The following TIMP3 variants were observed in gnomAD, a reference collection of about 807,000 sequenced individuals.
The protein encoded by TIMP3 is TIMP metallopeptidase inhibitor 3, also known as metalloproteinase inhibitor 3.
TIMP3 carries 11 observed loss-of-function variants against 30.0 expected under a neutral mutation model. That is an observed-to-expected ratio of 0.37 (90% confidence interval 0.23 to 0.61). The LOEUF is 0.61. TIMP3 is among the 20% of genes least tolerant of loss of function. The probability of loss-of-function intolerance (pLI) is 0.70; values close to 1 mark genes in which losing one functional copy is unlikely to be tolerated. For synonymous variants in TIMP3, 112 were observed against 111.3 expected, an observed-to-expected ratio of 1.01 and a Z score of -0.04; for missense variants, 181 against 276.8, an observed-to-expected ratio of 0.65 and a Z score of 2.45.
intron 1 of TIMP3, among the ~76,000 whole-genome samples, chr22:32,803,216 G>A (rs1488189825): frequency 2.6e-5 from 4 of 152,042 alleles, no homozygotes; most frequent in Non-Finnish European, 5.9e-5. Context: ...CCCTCTGCCT[G>A]TGTCGATTCA....
Position 32,837,937 on chromosome 22 carries a change from G to A in TIMP3, c.122-11515G>A, listed in dbSNP as rs935768034. On this transcript the variant is annotated intron_variant, in intron 1 of 4. Transcript: ENST00000266085. This position sits in a 1 kb window ranked among gnomAD's most constrained non-coding sequence, Gnocchi z 4.1. ...CCGGGCCTCTGCCCAACCATGACCA[G>A]AAGGTCCTCTCCTTTCTCTTTCTCT... Among the ~76,000 whole-genome samples the A allele has an allele frequency of 3.9e-5, 6 of 152,180 alleles. No individual in the cohort carries two copies. The highest frequency in any genetic ancestry group is 7.3e-5 in the Non-Finnish European group (5 of 68,032).
intron 2 of TIMP3, among the ~76,000 whole-genome samples, 181 bp from the exon 3 acceptor site, chr22:32,857,063 ATGGGC>A (rs2048389616): frequency 6.6e-6 from 1 of 152,130 alleles, no homozygotes; most frequent in Non-Finnish European, 1.5e-5. Flanking sequence ...TCATCTGTTG[ATGGGC>A]ACTTAGGTTG....
At chr22:32,842,150 GA>G (rs1436109464) in intron 1 of TIMP3, among the ~76,000 whole-genome samples, 4 of 152,314 alleles carry the variant, frequency 2.6e-5, no homozygotes, top group Admixed American at 1.3e-4. Flanking sequence ...AGGTCACAGA[GA>G]AACAGGGCAG....
intron 1 of TIMP3, among the ~76,000 whole-genome samples, chr22:32,842,676 A>G (rs112153811): frequency 1.3e-5 from 2 of 152,278 alleles, no homozygotes; most frequent in African/African-American, 4.8e-5. Context: ...ATTAACTTCA[A>G]ACTTCCTGTG....
chr22:32,822,409 CA>C (rs918385123), intron 1 of TIMP3, among the ~76,000 whole-genome samples: 5 of 152,152 alleles, frequency 3.3e-5, no homozygotes, highest in Admixed American at 6.5e-5. Flanking sequence ...TTCCTATCCT[CA>C]TGGAGTCTGG....
At position 32,857,348 on chromosome 22, in the gene TIMP3, T is replaced by C; in HGVS notation, c.304T>C (p.Tyr102His). 6.2e-7 allele frequency: 1 copy of C among 1,613,956 alleles called. No individual in the cohort carries two copies. The highest frequency in any genetic ancestry group is 8.5e-7 in the Non-Finnish European group (1 of 1,179,828). ...TAAGCTGGAGGTCAACAAGTACCAG[T>C]ACCTGCTGACAGGTAATGGCCAACT... is the stretch of plus-strand genomic sequence containing the variant. ...GLKLEVNKYQYLLTGRVYDGK... is the reference protein window; with the variant it reads ...GLKLEVNKYQHLLTGRVYDGK... The change falls in exon 3 of 5, where the codon TAC (tyrosine) becomes CAC (histidine). Residue 102 changes from tyrosine to histidine, a missense_variant. Physicochemically the swap from Tyr to His is moderately conservative, Grantham distance 83. Around this residue, in one of 3 missense-constraint regions of TIMP3, gnomAD observed 63 missense variants for 133.3 expected, o/e 0.47. Coordinates refer to ENST00000266085, the MANE Select transcript of TIMP3 (RefSeq NM_000362.5).
At position 32,832,730 on chromosome 22, in the gene TIMP3, C is replaced by T. The variant is rs190250607; in HGVS notation, c.122-16722C>T. ...GATAATACTTAACATGAGATATACT[C>T]GCCCCTCTCTTTTTCTGAGACAGAG... On this transcript the variant is annotated intron_variant, in intron 1 of 4. Coordinates refer to ENST00000266085, the MANE Select transcript of TIMP3 (RefSeq NM_000362.5). Among the ~76,000 whole-genome samples the T allele has an allele frequency of 1.1e-4, 16 of 151,566 alleles. No individual in the cohort carries two copies. In the East Asian group the frequency reaches 2.3e-3, roughly 22 times the overall value.
At chr22:32,839,683 C>T (rs1467736266) in intron 1 of TIMP3, among the ~76,000 whole-genome samples, 2 of 152,226 alleles carry the variant, frequency 1.3e-5, no homozygotes, top group African/African-American at 4.8e-5. Flanking sequence ...TGCATTCATC[C>T]CAAGTCCAGG....
rs1207786738 is a variant in TIMP3 at position 32,837,939 on chromosome 22, A to C, written c.122-11513A>C. On this transcript the variant is annotated intron_variant, in intron 1 of 4. Transcript: ENST00000266085. The surrounding 1 kb of genome is among the most constrained non-coding windows in gnomAD (Gnocchi z 4.1). ...GGGCCTCTGCCCAACCATGACCAGAAGGTCCTCTCCTTTCTCTTTCTCTTA... is the reference window on the plus strand; with the variant it reads ...GGGCCTCTGCCCAACCATGACCAGACGGTCCTCTCCTTTCTCTTTCTCTTA... Among the ~76,000 whole-genome samples, 1 of 152,190 alleles carries C rather than the reference A, an allele frequency of 6.6e-6. No homozygotes were observed. The highest frequency in any genetic ancestry group is 2.4e-5 in the African/African-American group (1 of 41,438).
intron 1 of TIMP3, among the ~76,000 whole-genome samples, chr22:32,844,638 G>A (rs1569270302): frequency 6.6e-6 from 1 of 151,764 alleles, no homozygotes; most frequent in Non-Finnish European, 1.5e-5. Context: ...ATCCTAGTTA[G>A]TTTCTTCTTA....
chr22:32,854,546 A>T (rs2048310793), intron 2 of TIMP3, among the ~76,000 whole-genome samples: 1 of 152,162 alleles, frequency 6.6e-6, no homozygotes, highest in Admixed American at 6.5e-5. Context: ...ACACCCACAC[A>T]AAAATAAGAA....
chr22:32,853,067 C>G (rs2048267893), intron 2 of TIMP3, among the ~76,000 whole-genome samples: 1 of 152,174 alleles, frequency 6.6e-6, no homozygotes, highest in African/African-American at 2.4e-5. Context: ...GAGCAGACCT[C>G]CAGGGACTTC....
intron 1 of TIMP3, among the ~76,000 whole-genome samples, chr22:32,807,342 TATATAA>T (rs1338703711): frequency 2.4e-3 from 14 of 5,912 alleles, no homozygotes; most frequent in African/African-American, 5.8e-3. Flanking sequence ...TTATATATAA[TATATAA>T]ATATATAATA....
chr22:32,819,627 C>T (rs960042159), intron 1 of TIMP3, among the ~76,000 whole-genome samples: 3 of 152,120 alleles, frequency 2.0e-5, no homozygotes, highest in Non-Finnish European at 4.4e-5. Context: ...AGCCTGTTCC[C>T]CTCTTGGCAT....
chr22:32,840,518 C>A (rs1407744257), intron 1 of TIMP3, among the ~76,000 whole-genome samples: 2 of 152,070 alleles, frequency 1.3e-5, no homozygotes, highest in Non-Finnish European at 2.9e-5. Flanking sequence ...GCCCCCAGCC[C>A]CCATGCTCTT....
At chr22:32,817,738 G>T (rs2047125070) in intron 1 of TIMP3, among the ~76,000 whole-genome samples, 1 of 152,202 alleles carries the variant, frequency 6.6e-6, no homozygotes, top group African/African-American at 2.4e-5. Flanking sequence ...CTAGGATCTT[G>T]TTTATACCGT....
chr22:32,826,291 G>A (rs2047410882), intron 1 of TIMP3, among the ~76,000 whole-genome samples: 1 of 152,136 alleles, frequency 6.6e-6, no homozygotes. Context: ...TTAGCTGGGT[G>A]TGGTGGTGAC....
intron 1 of TIMP3, among the ~76,000 whole-genome samples, chr22:32,847,317 G>A (rs1478351121): frequency 6.6e-6 from 1 of 152,226 alleles, no homozygotes; most frequent in African/African-American, 2.4e-5. Context: ...AACAGAGGTG[G>A]ATGCAGGATC....
intron 1 of TIMP3, among the ~76,000 whole-genome samples, chr22:32,811,346 A>G (rs1327058399): frequency 6.6e-6 from 1 of 152,228 alleles, no homozygotes; most frequent in Non-Finnish European, 1.5e-5. Flanking sequence ...GATTCTTGGC[A>G]CAGAATAGCT....
Sources: gnomAD v4.1 joint callset for allele counts (sites outside exome capture counted in the v4.1 genomes callset) on GRCh38, gnomAD v4.1.1 for gene constraint, gnomAD v4.1.1 regional missense constraint, Gnocchi (gnomAD v3.1) non-coding constraint, MANE v1.5 for transcripts, NCBI Gene and HGNC (gene_info 2026-07-23, HGNC 2026-07-21) for gene names.